LHFPL6: variants seen among roughly 807,000 people sequenced by gnomAD.
LHFPL6 encodes the protein LHFPL tetraspan subfamily member 6 protein.
LHFPL6 carries 9 observed loss-of-function variants against 20.6 expected under a neutral mutation model. The observed-to-expected ratio is 0.44, with a 90% CI of 0.26 to 0.76. The LOEUF (loss-of-function observed/expected upper bound fraction) is 0.76, where lower values mean the gene tolerates loss of function less well. Ranked by LOEUF, LHFPL6 falls within the 30% of genes least tolerant of loss-of-function variation. The pLI is 0.20. For synonymous variants in LHFPL6, 105 were observed against 98.7 expected (o/e 1.06, Z -0.38); for missense variants, 218 against 253.5 (o/e 0.86, Z 0.95).
chr13:39,525,749 C>T (rs931879297), intron 2 of LHFPL6, among the ~76,000 whole-genome samples: 1 of 152,096 alleles, frequency 6.6e-6, no homozygotes, highest in African/African-American at 2.4e-5. Context: ...TAAGCTCATC[C>T]ACTAGGAAAT....
At chr13:39,447,172 G>A (rs1872312716) in intron 2 of LHFPL6, among the ~76,000 whole-genome samples, 1 of 152,154 alleles carries the variant, frequency 6.6e-6, no homozygotes, top group African/African-American at 2.4e-5. Flanking sequence ...CATCTCACAC[G>A]TTACTGTGAA....
chr13:39,559,741 A>C (rs1871413793), intron 2 of LHFPL6, among the ~76,000 whole-genome samples: 1 of 152,214 alleles, frequency 6.6e-6, no homozygotes, highest in African/African-American at 2.4e-5. Context: ...TGGCCACTGC[A>C]TGCTGTAGCA....
At chr13:39,503,531 C>T (rs577860120) in intron 2 of LHFPL6, among the ~76,000 whole-genome samples, 2 of 152,228 alleles carry the variant, frequency 1.3e-5, no homozygotes, top group East Asian at 1.9e-4. Flanking sequence ...ACTTATTGTG[C>T]TAATTATTAT....
intron 2 of LHFPL6, among the ~76,000 whole-genome samples, chr13:39,537,598 T>A (rs1870661010): frequency 6.6e-6 from 1 of 152,206 alleles, no homozygotes; most frequent in African/African-American, 2.4e-5. Flanking sequence ...TCTCAATAAT[T>A]ACAAGTCCTT....
chr13:39,401,399 G>A (rs917968206), intron 2 of LHFPL6, among the ~76,000 whole-genome samples: 2 of 152,166 alleles, frequency 1.3e-5, no homozygotes, highest in African/African-American at 4.8e-5. Flanking sequence ...TGATGATACA[G>A]GTGAAGGAGA....
chr13:39,594,975 G>A (rs1872723740), intron 2 of LHFPL6, among the ~76,000 whole-genome samples: 1 of 152,094 alleles, frequency 6.6e-6, no homozygotes, highest in South Asian at 2.1e-4. Flanking sequence ...TGTGGGGTGG[G>A]TGGAGGGAGG....
chr13:39,521,701 C>T (rs1206425573), intron 2 of LHFPL6, among the ~76,000 whole-genome samples: 1 of 152,134 alleles, frequency 6.6e-6, no homozygotes, highest in Non-Finnish European at 1.5e-5. Flanking sequence ...AATGTAGTCA[C>T]GATAAAGAGT....
Position 39,603,137 on chromosome 13 carries a change from G to A in LHFPL6, c.-429C>T, listed in dbSNP as rs781058062. 13 of 152,336 alleles carry A rather than the reference G, an allele frequency of 8.5e-5. No homozygotes were observed. Among genetic ancestry groups the A allele is most frequent in the Admixed American group, 2.0e-4 (3 of 15,290 alleles). The allele number at this position is 152,336 out of a possible 1,614,324, so 9.4% of individuals were successfully genotyped here. A position where few individuals can be genotyped will look rare whatever the true frequency, so the allele number is the denominator to read the frequency against. On this transcript the variant is annotated 5_prime_UTR_variant, in exon 1 of 4. Transcript: ENST00000379589. ...AGTCCGCGGCGGCAGCTCTGGCGGA[G>A]CGCTGTGGGCGCGCGCGGGCGCCGG... is the stretch of plus-strand genomic sequence containing the variant.
rs1487535596 is a variant in LHFPL6 at position 39,547,405 on chromosome 13, A to T, written c.385+53427T>A. On this transcript the variant is annotated intron_variant, in intron 2 of 3. Coordinates refer to ENST00000379589, the MANE Select transcript of LHFPL6 (RefSeq NM_005780.3). ...AAAGAAATCAAAATCAATTTGCTGA[A>T]CCTTTTAATCCACCAGTAACAAGAT... Among the ~76,000 whole-genome samples, 8 of 152,056 alleles carry T rather than the reference A, an allele frequency of 5.3e-5. No homozygotes were observed. The East Asian group carries it at 1.5e-3, about 29-fold the overall frequency.
chr13:39,345,852 G>A (rs1270699052), intron 3 of LHFPL6, among the ~76,000 whole-genome samples: 1 of 152,152 alleles, frequency 6.6e-6, no homozygotes, highest in Non-Finnish European at 1.5e-5. Context: ...GAGGGCAGGT[G>A]CAAAGATCCA....
At chr13:39,456,150 TA>T (rs1366415087) in intron 2 of LHFPL6, among the ~76,000 whole-genome samples, 2 of 152,224 alleles carry the variant, frequency 1.3e-5, no homozygotes, top group African/African-American at 4.8e-5. Context: ...GTCAGTTTCT[TA>T]AAAGTGCCTA....
chr13:39,397,899 T>C (rs1870883625), intron 2 of LHFPL6, among the ~76,000 whole-genome samples: 1 of 149,012 alleles, frequency 6.7e-6, no homozygotes, highest in Admixed American at 6.7e-5. Context: ...TCTAGGAAAG[T>C]CAGACTTTGT....
intron 2 of LHFPL6, among the ~76,000 whole-genome samples, chr13:39,392,748 G>A (rs17059785): frequency 0.018 from 2,686 of 152,008 alleles, 83 homozygotes; most frequent in African/African-American, 0.061. Flanking sequence ...AATACCAGTT[G>A]TATACCCAGG....
At chr13:39,524,767 C>T (rs544468580) in intron 2 of LHFPL6, among the ~76,000 whole-genome samples, 4 of 152,242 alleles carry the variant, frequency 2.6e-5, no homozygotes, top group African/African-American at 9.6e-5. Flanking sequence ...ATTTACAGGC[C>T]ACTAGGGGAG....
At chr13:39,422,356 T>C (rs942201708) in intron 2 of LHFPL6, among the ~76,000 whole-genome samples, 1 of 152,094 alleles carries the variant, frequency 6.6e-6, no homozygotes, top group Non-Finnish European at 1.5e-5. Flanking sequence ...CCCAGCACTT[T>C]GGCGGATCAT....
intron 2 of LHFPL6, among the ~76,000 whole-genome samples, chr13:39,557,964 T>C (rs889296548): frequency 6.6e-6 from 1 of 152,172 alleles, no homozygotes; most frequent in African/African-American, 2.4e-5. Context: ...TCCCCCTTTG[T>C]CTTCTGCCAT....
chr13:39,423,097 A>G (rs773198801), intron 2 of LHFPL6, among the ~76,000 whole-genome samples: 2 of 152,204 alleles, frequency 1.3e-5, no homozygotes, highest in African/African-American at 2.4e-5. Context: ...GGGAACTACA[A>G]TTCAAGATGA....
In LHFPL6 at chr13:39,345,650, A is replaced by G. The variant is rs1869382688; in HGVS notation, c.485-1596T>C. Among the ~76,000 whole-genome samples, 3 of 151,934 alleles carry G rather than the reference A, an allele frequency of 2.0e-5. No individual in the cohort carries two copies. In the South Asian group the frequency reaches 6.2e-4, roughly 31 times the overall value. ...CCTCAATGACAACCAGCGTTTGACT[A>G]CTGCATACCGAAGTGTTCCCACAGC... On this transcript the variant is annotated intron_variant, in intron 3 of 3. Coordinates refer to ENST00000379589, the MANE Select transcript of LHFPL6 (RefSeq NM_005780.3).
At chr13:39,497,441 G>A (rs1869139076) in intron 2 of LHFPL6, among the ~76,000 whole-genome samples, 1 of 152,176 alleles carries the variant, frequency 6.6e-6, no homozygotes, top group East Asian at 1.9e-4. Context: ...TTCCCAGTAG[G>A]AATTTCATGT....
Sources: allele counts gnomAD v4.1 joint callset (sites outside exome capture counted in the v4.1 genomes callset), GRCh38; gene constraint gnomAD v4.1.1; transcripts MANE v1.5; gene names NCBI Gene and HGNC (gene_info 2026-07-23, HGNC 2026-07-21).